SCN3A: variants seen among roughly 807,000 people sequenced by gnomAD.
The protein encoded by SCN3A is sodium channel protein type 3 subunit alpha.
Under a neutral mutation model 187.6 loss-of-function variants are expected in SCN3A, and 60 were observed. That is an observed-to-expected ratio of 0.32 (90% confidence interval 0.26 to 0.40). The LOEUF is 0.40. Ranked by LOEUF, SCN3A falls within the 10% of genes least tolerant of loss-of-function variation. The pLI is 1.00. For missense variants in SCN3A, 1,601 were observed against 2,428.2 expected, an observed-to-expected ratio of 0.66 and a Z score of 7.16; for synonymous variants, 788 against 829.2, an observed-to-expected ratio of 0.95 and a Z score of 0.85.
intron 15 of SCN3A, among the ~76,000 whole-genome samples, chr2:165,137,156 G>C (rs1306369363): frequency 5.3e-5 from 8 of 152,114 alleles, no homozygotes; most frequent in Admixed American, 5.3e-4. Context: ...AGCCCTTGAT[G>C]AAAACTGTTC....
rs1365535828 is a variant in SCN3A, at chr2:165,089,711, A to G, written c.*439T>C. ...ATACTGTTTCTTCAACGTAAACCTC[A>G]TTTACAAAAATAGTGACATAGCATT... On this transcript the variant is annotated 3_prime_UTR_variant, in exon 28 of 28. Transcript: ENST00000283254. 1 of 162,916 alleles carries G rather than the reference A, an allele frequency of 6.1e-6. No homozygotes were observed. Among genetic ancestry groups the G allele is most frequent in the South Asian group, 1.7e-4 (1 of 5,910 alleles). 10.1% of individuals were successfully genotyped at this position (162,916 alleles called of 1,614,324 possible).
intron 7 of SCN3A, among the ~76,000 whole-genome samples, chr2:165,163,310 G>A (rs12614585): frequency 0.23 from 34,314 of 151,810 alleles, 5,077 homozygotes; most frequent in East Asian, 0.52. Flanking sequence ...CATCTGCAGC[G>A]AATGGTAAAA....
chr2:165,146,357 G>T (rs917836208), intron 12 of SCN3A, among the ~76,000 whole-genome samples: 1 of 150,252 alleles, frequency 6.7e-6, no homozygotes, highest in African/African-American at 2.5e-5. Context: ...TGAAAAGTCT[G>T]CTAGTGTAGG....
At chr2:165,186,804 G>A (rs1243707415) in intron 1 of SCN3A, 57 bp from the exon 2 acceptor site, 1 of 152,042 alleles carries the variant, frequency 6.6e-6, no homozygotes, top group Admixed American at 6.6e-5. Context: ...TTGGCATAGG[G>A]GTGCTCTGGC....
chr2:165,090,102 T>A lies in SCN3A; in HGVS notation c.*48A>T. On this transcript the variant is annotated 3_prime_UTR_variant, in exon 28 of 28. Transcript: ENST00000283254. The surrounding 1 kb of genome is among the most constrained non-coding windows in gnomAD (Gnocchi z 4.0). ...GTCCAGTTGACACATATACTTTACCTTCATAGGCTGTAAACAATTGATCAC... is the reference window on the plus strand; with the variant it reads ...GTCCAGTTGACACATATACTTTACCATCATAGGCTGTAAACAATTGATCAC... The A allele has an allele frequency of 6.5e-7, 1 of 1,549,360 alleles. No individual in the cohort carries two copies. The highest frequency in any genetic ancestry group is 8.7e-7 in the Non-Finnish European group (1 of 1,147,056).
chr2:165,097,544 G>T lies in SCN3A; in HGVS notation c.3967-20C>A. The T allele has an allele frequency of 1.9e-6, 3 of 1,612,472 alleles. No homozygotes were observed. In the South Asian group the frequency reaches 3.3e-5, roughly 18 times the overall value. The stretch of plus-strand genomic sequence containing the variant: ...AACCACCTAGAAGAGACAGCGAGGG[G>T]AACATAGCTTACAAACCTTTTGAAT... On this transcript the variant is annotated intron_variant, in intron 22 of 27. Transcript: ENST00000283254.
At chr2:165,100,678 C>A (rs1256336923) in intron 21 of SCN3A, among the ~76,000 whole-genome samples, 4 of 152,048 alleles carry the variant, frequency 2.6e-5, no homozygotes, top group Non-Finnish European at 5.9e-5. Context: ...ATATTTTATA[C>A]CATGGACCCC....
intron 22 of SCN3A, among the ~76,000 whole-genome samples, chr2:165,098,510 G>C (rs1486556734): frequency 6.6e-6 from 1 of 152,102 alleles, no homozygotes; most frequent in Non-Finnish European, 1.5e-5. Flanking sequence ...CATTATACTT[G>C]CCAGGGAGAG....
At chr2:165,130,558 A>C in intron 16 of SCN3A, 1 of 460,950 alleles carries the variant, frequency 2.2e-6, no homozygotes, top group South Asian at 2.8e-5. Context: ...ATCCAAAGAT[A>C]TGCCCATGTA....
At chr2:165,177,762 A>G (rs1460256561) in intron 2 of SCN3A, among the ~76,000 whole-genome samples, 1 of 152,236 alleles carries the variant, frequency 6.6e-6, no homozygotes, top group Non-Finnish European at 1.5e-5. Context: ...TAATAGAACT[A>G]TCAAAACCAC....
chr2:165,124,556 A>G (rs913881933), intron 18 of SCN3A, among the ~76,000 whole-genome samples: 2 of 152,174 alleles, frequency 1.3e-5, no homozygotes, highest in African/African-American at 4.8e-5. Flanking sequence ...GGAATCAGGT[A>G]ATTATAAAAT....
chr2:165,170,572 A>G (rs1559258441), intron 3 of SCN3A, 24 bp from the exon 4 acceptor site: 2 of 1,343,800 alleles, frequency 1.5e-6, no homozygotes, highest in Non-Finnish European at 2.1e-6. Flanking sequence ...TACGAGTAAA[A>G]TTACTAAATT....
chr2:165,143,247 T>C (rs1407720109), intron 12 of SCN3A, among the ~76,000 whole-genome samples: 1 of 152,202 alleles, frequency 6.6e-6, no homozygotes, highest in Non-Finnish European at 1.5e-5. Context: ...AAATACTAAC[T>C]TGGTCTTACA....
intron 2 of SCN3A, among the ~76,000 whole-genome samples, chr2:165,178,454 G>A (rs1033097776): frequency 6.6e-6 from 1 of 152,070 alleles, no homozygotes; most frequent in East Asian, 1.9e-4. Context: ...GATCTCAAAC[G>A]CTTGGGCTCA....
chr2:165,169,207 C>T (rs192501596), intron 4 of SCN3A, among the ~76,000 whole-genome samples: 2 of 151,862 alleles, frequency 1.3e-5, no homozygotes, highest in East Asian at 1.9e-4. Flanking sequence ...ACTTATAAAA[C>T]GTTAACGAAT....
chr2:165,090,015 G>A lies in SCN3A; in HGVS notation c.*135C>T. The A allele has an allele frequency of 8.0e-7, 1 of 1,244,690 alleles. No individual in the cohort carries two copies. Among genetic ancestry groups the A allele is most frequent in the Non-Finnish European group, 1.1e-6 (1 of 899,272 alleles). The allele number at this position is 1,244,690 out of a possible 1,614,324, so 77.1% of individuals were successfully genotyped here. On this transcript the variant is annotated 3_prime_UTR_variant, in exon 28 of 28. Transcript: ENST00000283254. This position sits in a 1 kb window ranked among gnomAD's most constrained non-coding sequence, Gnocchi z 4.0. ...GACAGAGAGGTCACTTCACTGTCTT[G>A]TATAGGCACTGACTATGAGTATTTG...
chr2:165,092,483 T>A lies in SCN3A; in HGVS notation c.4578A>T (p.Gln1526His). Reference sequence around the variant, plus strand: ...GGATCATGATGCTGATATCAAAGACTTGTCTGGTTACAAAATCAAAGACCA... The same window carrying A: ...GGATCATGATGCTGATATCAAAGACATGTCTGGTTACAAAATCAAAGACCA... ...QGMVFDFVTR[Q>H]VFDISIMILI... Residue 1526 changes from glutamine (Q) to histidine (H), a missense_variant, in exon 27 of 28, where the codon CAA becomes CAT. Physicochemically the swap from Gln to His is conservative, Grantham distance 24. Coordinates refer to ENST00000283254, the MANE Select transcript of SCN3A (RefSeq NM_006922.4). This position sits in a 1 kb window ranked among gnomAD's most constrained non-coding sequence, Gnocchi z 4.2. The A allele has an allele frequency of 6.2e-7, 1 of 1,613,846 alleles. No homozygotes were observed. Among genetic ancestry groups the A allele is most frequent in the African/African-American group, 1.3e-5 (1 of 74,996 alleles).
At chr2:165,171,512 T>C (rs1052424625) in intron 3 of SCN3A, among the ~76,000 whole-genome samples, 1 of 152,056 alleles carries the variant, frequency 6.6e-6, no homozygotes, top group Non-Finnish European at 1.5e-5. Context: ...AAATTGCCAA[T>C]TGAATGAAAA....
rs568138115 is a variant in SCN3A at position 165,170,911 on chromosome 2, A to G, written c.265-363T>C. Among the ~76,000 whole-genome samples the G allele has an allele frequency of 2.0e-5, 3 of 152,062 alleles. No individual in the cohort carries two copies. In the South Asian group the frequency reaches 6.2e-4, roughly 31 times the overall value. ...TTACTCTGTACACATTGCTACTAAA[A>G]TAATCTTTTATAAGTATTTTAATCA... On this transcript the variant is annotated intron_variant, in intron 3 of 27. Coordinates refer to ENST00000283254, the MANE Select transcript of SCN3A (RefSeq NM_006922.4).
Sources: allele counts gnomAD v4.1 joint callset (sites outside exome capture counted in the v4.1 genomes callset), GRCh38; gene constraint gnomAD v4.1.1; non-coding constraint Gnocchi (gnomAD v3.1); transcripts MANE v1.5; gene names NCBI Gene and HGNC (gene_info 2026-07-23, HGNC 2026-07-21).